Variants in NEGR1 observed in about 807,000 individuals in gnomAD.
The protein encoded by NEGR1 is neuronal growth regulator 1.
In NEGR1, 10 loss-of-function variants were observed where a neutral mutation model predicts 40.9. The ratio of observed to expected loss-of-function variants is 0.24; its 90% confidence interval spans 0.15 to 0.42. The LOEUF (loss-of-function observed/expected upper bound fraction) is 0.42. Among genes scored for constraint, NEGR1 ranks in the 10% least tolerant of loss-of-function variants. The probability of loss-of-function intolerance (pLI) is 1.00; values close to 1 mark genes in which losing one functional copy is unlikely to be tolerated. For missense variants in NEGR1, 352 were observed against 438.9 expected, an observed-to-expected ratio of 0.80 and a Z score of 1.77; for synonymous variants, 185 against 166.8, an observed-to-expected ratio of 1.11 and a Z score of -0.84.
At chr1:71,541,912 C>A (rs937220731) in intron 6 of NEGR1, among the ~76,000 whole-genome samples, 4 of 151,804 alleles carry the variant, frequency 2.6e-5, no homozygotes. Context: ...TTATTCTGGA[C>A]TTATTTATTC....
In NEGR1 at chr1:71,400,505, A is replaced by G. The variant is rs1055934097; in HGVS notation, c.*6941T>C. ...AGTGCCCAAAATATATTATTTTTTC[A>G]ACAAGGTGGATTCTCGAAGCAAGGT... On this transcript the variant is annotated 3_prime_UTR_variant, in exon 7 of 7. Coordinates refer to ENST00000357731, the MANE Select transcript of NEGR1 (RefSeq NM_173808.3). 8.6e-5 allele frequency: 13 copies of G among 151,886 alleles called. No homozygotes were observed. Among genetic ancestry groups the G allele is most frequent in the African/African-American group, 3.1e-4 (13 of 41,372 alleles). 9.4% of individuals were successfully genotyped at this position (151,886 alleles called of 1,614,324 possible). A position where few individuals can be genotyped will look rare whatever the true frequency, so the allele number is the denominator to read the frequency against.
chr1:71,930,155 T>A (rs1404012383), intron 2 of NEGR1, among the ~76,000 whole-genome samples: 1 of 144,216 alleles, frequency 6.9e-6, no homozygotes, highest in African/African-American at 2.8e-5. Context: ...TATTTTTAAA[T>A]TTTTTTTTTA....
chr1:71,853,974 C>T (rs555904907), intron 2 of NEGR1, among the ~76,000 whole-genome samples: 14 of 152,222 alleles, frequency 9.2e-5, no homozygotes, highest in African/African-American at 3.1e-4. Flanking sequence ...AAACCCTCAG[C>T]ACAAAGAGCA....
At chr1:72,016,103 T>G (rs980254570) in intron 1 of NEGR1, among the ~76,000 whole-genome samples, 7 of 151,924 alleles carry the variant, frequency 4.6e-5, no homozygotes, top group African/African-American at 1.4e-4. Context: ...TTAACTTAAT[T>G]TTTTTTTGTT....
intron 1 of NEGR1, among the ~76,000 whole-genome samples, chr1:72,148,478 G>T (rs775578958): frequency 6.6e-6 from 1 of 151,950 alleles, no homozygotes; most frequent in Non-Finnish European, 1.5e-5. Context: ...TAGGCTCCTT[G>T]TTACTTATGC....
intron 1 of NEGR1, among the ~76,000 whole-genome samples, chr1:72,063,889 A>G (rs1270871263): frequency 6.6e-6 from 1 of 151,760 alleles, no homozygotes; most frequent in Non-Finnish European, 1.5e-5. Context: ...ACCCCCCTGT[A>G]AGATGTAGTC....
intron 1 of NEGR1, among the ~76,000 whole-genome samples, chr1:72,144,332 T>C (rs1286339496): frequency 2.0e-5 from 3 of 151,700 alleles, no homozygotes; most frequent in Non-Finnish European, 4.4e-5. Flanking sequence ...TGAAAAAACA[T>C]AATTATCTAA....
At chr1:72,143,933 A>G (rs1373899212) in intron 1 of NEGR1, among the ~76,000 whole-genome samples, 2 of 143,420 alleles carry the variant, frequency 1.4e-5, no homozygotes, top group Non-Finnish European at 3.0e-5. Context: ...ATATATATAT[A>G]TATATATTCA....
At position 71,401,860 on chromosome 1, in the gene NEGR1, T is replaced by A. The variant is rs1409001807; in HGVS notation, c.*5586A>T. 1.3e-5 allele frequency: 2 copies of A among 152,180 alleles called. No homozygotes were observed. The highest frequency in any genetic ancestry group is 2.9e-5 in the Non-Finnish European group (2 of 68,030). 9.4% of individuals were successfully genotyped at this position (152,180 alleles called of 1,614,324 possible). ...CAGTCTCATACAACCCAAGGCTGTG[T>A]GTCCAAAGGCAACTGTACTGTGAGT... On this transcript the variant is annotated 3_prime_UTR_variant, in exon 7 of 7. Coordinates refer to ENST00000357731, the MANE Select transcript of NEGR1 (RefSeq NM_173808.3).
chr1:72,222,531 C>T (rs754333519), intron 1 of NEGR1, among the ~76,000 whole-genome samples: 7 of 152,068 alleles, frequency 4.6e-5, no homozygotes, highest in Non-Finnish European at 7.4e-5. Context: ...ATCATAAAGA[C>T]ATGGGGATGT....
chr1:72,000,634 T>C (rs1646548977), intron 1 of NEGR1, among the ~76,000 whole-genome samples: 1 of 152,198 alleles, frequency 6.6e-6, no homozygotes, highest in African/African-American at 2.4e-5. Context: ...GTCATGTTTG[T>C]AAATGCAGTT....
intron 2 of NEGR1, among the ~76,000 whole-genome samples, chr1:71,912,814 G>A (rs201182629): frequency 1.3e-5 from 2 of 151,478 alleles, no homozygotes; most frequent in Admixed American, 6.6e-5. Flanking sequence ...ACATGTGTGT[G>A]TATATATATA....
intron 1 of NEGR1, among the ~76,000 whole-genome samples, chr1:71,999,665 A>T: frequency 2.2e-5 from 1 of 45,208 alleles, no homozygotes; most frequent in Non-Finnish European, 5.4e-5. Context: ...ATATATATAT[A>T]TATATATATA....
intron 3 of NEGR1, among the ~76,000 whole-genome samples, chr1:71,754,458 G>A (rs975378443): frequency 1.3e-5 from 2 of 152,108 alleles, no homozygotes; most frequent in African/African-American, 4.8e-5. Context: ...TTAAGTTGGG[G>A]AGGCAGTTTA....
intron 2 of NEGR1, among the ~76,000 whole-genome samples, chr1:71,884,009 G>C (rs1660655869): frequency 1.3e-5 from 2 of 151,664 alleles, no homozygotes; most frequent in Admixed American, 6.6e-5. Context: ...TACTTTCCTA[G>C]ATATTATGAC....
chr1:71,878,661 A>G (rs1437800838), intron 2 of NEGR1, among the ~76,000 whole-genome samples: 1 of 150,362 alleles, frequency 6.7e-6, no homozygotes, highest in African/African-American at 2.4e-5. Flanking sequence ...GACATGAAAT[A>G]GTTGCAGTTA....
intron 3 of NEGR1, among the ~76,000 whole-genome samples, chr1:71,756,127 TAGTGGAAATA>T (rs1655724039): frequency 6.6e-6 from 1 of 152,066 alleles, no homozygotes; most frequent in South Asian, 2.1e-4. Context: ...CAGCAGAATC[TAGTGGAAATA>T]AGTTCTGGCT....
chr1:72,279,883 A>T (rs993586778), intron 1 of NEGR1, among the ~76,000 whole-genome samples: 2 of 152,230 alleles, frequency 1.3e-5, no homozygotes, highest in Admixed American at 6.5e-5. Flanking sequence ...ACCTACAGAC[A>T]ATGTAAGAAG....
chr1:72,015,312 T>C (rs1646699447), intron 1 of NEGR1, among the ~76,000 whole-genome samples: 1 of 152,070 alleles, frequency 6.6e-6, no homozygotes, highest in Non-Finnish European at 1.5e-5. Context: ...AAGTTTAAAG[T>C]ATTAGCGTGG....
Sources: allele counts gnomAD v4.1 joint callset (sites outside exome capture counted in the v4.1 genomes callset), GRCh38; gene constraint gnomAD v4.1.1; transcripts MANE v1.5; gene names NCBI Gene and HGNC (gene_info 2026-07-23, HGNC 2026-07-21).